Variants in KIF17 observed in about 807,000 individuals in gnomAD.
The protein encoded by KIF17 is kinesin family member 17.
In KIF17, 80 loss-of-function variants were observed where a neutral mutation model predicts 96.8. That is an observed-to-expected ratio of 0.83 (90% confidence interval 0.69 to 1.00). KIF17 has a LOEUF of 1.00. Among genes scored for constraint, KIF17 ranks in the 50% least tolerant of loss-of-function variants. KIF17 has a pLI of 0.00. For synonymous variants in KIF17, 567 were observed against 587.5 expected (o/e 0.97, Z 0.51); for missense variants, 1,280 against 1,372.9 (o/e 0.93, Z 1.07).
At chr1:20,705,662 G>A (rs1176956581) in intron 4 of KIF17, among the ~76,000 whole-genome samples, 1 of 152,086 alleles carries the variant, frequency 6.6e-6, no homozygotes, top group African/African-American at 2.4e-5. Flanking sequence ...CAGAGCCTAG[G>A]CCATGCCTTT....
chr1:20,696,376 C>T (rs1454657655), intron 6 of KIF17, among the ~76,000 whole-genome samples: 2 of 152,174 alleles, frequency 1.3e-5, no homozygotes, highest in African/African-American at 4.8e-5. Flanking sequence ...GGGAGGGGCA[C>T]AGACATCTTC....
intron 6 of KIF17, among the ~76,000 whole-genome samples, chr1:20,690,844 G>A (rs1011012037): frequency 2.6e-4 from 40 of 151,810 alleles, no homozygotes; most frequent in African/African-American, 6.5e-4. Flanking sequence ...CCGCCACCAC[G>A]CTCAGCTAAT....
At chr1:20,683,158 C>G (rs531666577) in intron 10 of KIF17, among the ~76,000 whole-genome samples, 1 of 152,348 alleles carries the variant, frequency 6.6e-6, no homozygotes, top group Non-Finnish European at 1.5e-5. Flanking sequence ...GACCCGTGGA[C>G]TTCCCACGCT....
At position 20,704,351 on chromosome 1, in the gene KIF17, G is replaced by A. The variant is rs1318523372; in HGVS notation, c.1123+96C>T. On this transcript the variant is annotated intron_variant, in intron 5 of 14. Transcript: ENST00000400463. This position sits in a 1 kb window ranked among gnomAD's most constrained non-coding sequence, Gnocchi z 6.8. The stretch of plus-strand genomic sequence containing the variant: ...GGGGTGGGAGGATGCTGCTCCCACT[G>A]TCTTTTAGGTGGGAAGTTGGAGGCG... 1.7e-5 allele frequency: 17 copies of A among 1,029,496 alleles called. No individual in the cohort carries two copies. Among genetic ancestry groups the A allele is most frequent in the Non-Finnish European group, 2.2e-5 (15 of 680,050 alleles). 63.8% of individuals were successfully genotyped at this position (1,029,496 alleles called of 1,614,324 possible).
At chr1:20,686,651 G>A (rs972842790) in intron 8 of KIF17, among the ~76,000 whole-genome samples, 7 of 152,134 alleles carry the variant, frequency 4.6e-5, no homozygotes. Flanking sequence ...CGTCTCCCGG[G>A]TTCAAGTGAT....
intron 8 of KIF17, chr1:20,686,472 T>G: frequency 5.1e-6 from 2 of 395,184 alleles, no homozygotes; most frequent in Non-Finnish European, 9.1e-6. Context: ...TCTCTCTAAA[T>G]ACACACACAC....
chr1:20,714,842 G>C (rs979587775), intron 2 of KIF17, among the ~76,000 whole-genome samples: 2 of 151,738 alleles, frequency 1.3e-5, no homozygotes, highest in African/African-American at 4.8e-5. Flanking sequence ...GAAGGCCTGG[G>C]CCAAGCACTG....
chr1:20,664,750 G>A lies in KIF17; in HGVS notation c.2921C>T (p.Ser974Leu), dbSNP rs376184055. The A allele has an allele frequency of 2.9e-5, 47 of 1,612,016 alleles. 1 individual carries two copies. Among genetic ancestry groups the A allele is most frequent in the South Asian group, 2.9e-4 (26 of 90,978 alleles). Residue 974 changes from serine to leucine, a missense_variant, in exon 15 of 15, where the codon TCG (serine) becomes TTG (leucine). Physicochemically the swap from Ser to Leu is moderately radical, Grantham distance 145. Transcript: ENST00000400463. ...GAGTGGGCAGCTGAGGCCTGGTGGCGAGTTGTGATGTGCTGTGGGGAAGAG... is the reference window on the plus strand; with the variant it reads ...GAGTGGGCAGCTGAGGCCTGGTGGCAAGTTGTGATGTGCTGTGGGGAAGAG... ...DARKSLTHHN[S>L]PPGLSCPLSN...
rs777560283 is a variant in KIF17 at position 20,709,657 on chromosome 1, T to A, written c.652A>T (p.Ile218Phe). The stretch of plus-strand genomic sequence containing the variant: ...CGCATACCCACGGCAGACATCTCGA[T>A]GCTGATGGTGAAGATGGAGTGCGAG... ...SRSHSIFTIS[I>F]EMSAVDERGK... The change falls in exon 4 of 15, where the codon ATC becomes TTC. Residue 218 changes from isoleucine (I) to phenylalanine (F), a missense_variant. Physicochemically the swap from Ile to Phe is conservative, Grantham distance 21 (BLOSUM62 0). Transcript: ENST00000400463. This position sits in a 1 kb window ranked among gnomAD's most constrained non-coding sequence, Gnocchi z 4.7. 3 of 1,614,076 alleles carry A rather than the reference T, an allele frequency of 1.9e-6. No homozygotes were observed. The highest frequency in any genetic ancestry group is 2.5e-6 in the Non-Finnish European group (3 of 1,180,016).
intron 13 of KIF17, among the ~76,000 whole-genome samples, chr1:20,669,993 GA>G (rs67188527): frequency 0.53 from 64,367 of 122,534 alleles, 15,646 homozygotes; most frequent in Non-Finnish European, 0.56. Flanking sequence ...CTTAGAAAAA[GA>G]AAAAAAAAAA....
chr1:20,671,861 C>T lies in KIF17; in HGVS notation c.2722+77G>A, dbSNP rs571724869. On this transcript the variant is annotated intron_variant, in intron 12 of 14. Coordinates refer to ENST00000400463, the MANE Select transcript of KIF17 (RefSeq NM_001122819.3). ...ACACCCACAGCCTGCAAGGAGAGGC[C>T]CACACTCCCTGCCAGTCTGCAGGAT... The T allele has an allele frequency of 6.1e-5, 95 of 1,546,318 alleles. 1 individual carries two copies. In the South Asian group the frequency reaches 1.1e-3, roughly 18 times the overall value.
rs111701346 is a variant in KIF17, at chr1:20,679,295, A to T, written c.2463+3358T>A. Among the ~76,000 whole-genome samples, 90 of 151,922 alleles carry T rather than the reference A, an allele frequency of 5.9e-4. 1 individual carries two copies. Among genetic ancestry groups the T allele is most frequent in the Middle Eastern group, 6.8e-3 (2 of 294 alleles). ...AGACCAGCCTGGGTAACATAGCAAG[A>T]CCCCTCCGCTACAAAAAATAATAAT... On this transcript the variant is annotated intron_variant, in intron 11 of 14. Transcript: ENST00000400463.
intron 11 of KIF17, among the ~76,000 whole-genome samples, chr1:20,682,160 G>A (rs906649896): frequency 2.7e-5 from 4 of 150,934 alleles, no homozygotes; most frequent in African/African-American, 7.3e-5. Flanking sequence ...CAACATACCC[G>A]CATGCGTGCA....
chr1:20,712,108 C>A (rs1161181599), intron 3 of KIF17, among the ~76,000 whole-genome samples: 1 of 152,176 alleles, frequency 6.6e-6, no homozygotes, highest in East Asian at 1.9e-4. Context: ...TGAGCAGCTG[C>A]CAGCCTTCGG....
intron 6 of KIF17, 35 bp downstream of exon 6, chr1:20,698,344 T>A (rs1308429855): frequency 2.7e-6 from 4 of 1,491,308 alleles, no homozygotes; most frequent in Non-Finnish European, 3.7e-6. Context: ...CACCTGCCTG[T>A]CCCTTCTCCA....
At position 20,700,029 on chromosome 1, in the gene KIF17, TCTGGAGGGCAGCAGTGAA is replaced by T. The variant is rs781616785; in HGVS notation, c.1124-1559_1124-1542del. 6.6e-5 allele frequency among the ~76,000 whole-genome samples: 10 copies of T among 152,150 alleles called. No homozygotes were observed. Among genetic ancestry groups the T allele is most frequent in the Non-Finnish European group, 1.5e-4 (10 of 68,014 alleles). The stretch of plus-strand genomic sequence containing the variant: ...GTTGCGGGGGCGTGCAGAAACTCAG[TCTGGAGGGCAGCAGTGAA>T]CTGGCTGTAGCCAGTTTTTGTTTTG... On this transcript the variant is annotated intron_variant, in intron 5 of 14. Coordinates refer to ENST00000400463, the MANE Select transcript of KIF17 (RefSeq NM_001122819.3). This position sits in a 1 kb window ranked among gnomAD's most constrained non-coding sequence, Gnocchi z 4.6.
At chr1:20,665,738 G>T (rs897426205) in intron 14 of KIF17, among the ~76,000 whole-genome samples, 2 of 152,196 alleles carry the variant, frequency 1.3e-5, no homozygotes, top group Admixed American at 6.5e-5. Context: ...TGGAAGCTCT[G>T]CGGGCTTTGC....
chr1:20,677,906 G>T (rs1278336740), intron 11 of KIF17, among the ~76,000 whole-genome samples: 2 of 152,190 alleles, frequency 1.3e-5, no homozygotes, highest in East Asian at 3.8e-4. Context: ...TGACCTTCAG[G>T]ATACTATACA....
In KIF17 at chr1:20,700,227, C is replaced by T. The variant is rs549047414; in HGVS notation, c.1124-1739G>A. Reference sequence around the variant, plus strand: ...CTGCGACTACAGGTGTGCGCCACTACGCCTGGCTAATATTTTCTATTTTAG... The same window carrying T: ...CTGCGACTACAGGTGTGCGCCACTATGCCTGGCTAATATTTTCTATTTTAG... On this transcript the variant is annotated intron_variant, in intron 5 of 14. Transcript: ENST00000400463. The surrounding 1 kb of genome is among the most constrained non-coding windows in gnomAD (Gnocchi z 4.6). 2.6e-5 allele frequency among the ~76,000 whole-genome samples: 4 copies of T among 152,254 alleles called. No homozygotes were observed. Among genetic ancestry groups the T allele is most frequent in the East Asian group, 1.9e-4 (1 of 5,184 alleles).
Sources: allele counts gnomAD v4.1 joint callset (sites outside exome capture counted in the v4.1 genomes callset), GRCh38; gene constraint gnomAD v4.1.1; non-coding constraint Gnocchi (gnomAD v3.1); transcripts MANE v1.5; gene names NCBI Gene and HGNC (gene_info 2026-07-23, HGNC 2026-07-21).